STRBP: variants seen among roughly 807,000 people sequenced by gnomAD.
STRBP encodes spermatid perinuclear RNA-binding protein.
STRBP carries 13 observed loss-of-function variants against 80.1 expected under a neutral mutation model. The observed-to-expected ratio is 0.16, with a 90% CI of 0.11 to 0.26. The LOEUF (loss-of-function observed/expected upper bound fraction) is 0.26. Ranked by LOEUF, STRBP falls within the 10% of genes least tolerant of loss-of-function variation. The pLI is 1.00. For missense variants in STRBP, 485 were observed against 815.2 expected (o/e 0.59, Z 4.93); for synonymous variants, 284 against 291.2 (o/e 0.98, Z 0.25).
At chr9:123,118,267 C>T (rs943639214), downstream of STRBP, among the ~76,000 whole-genome samples, 5 of 152,172 alleles carry the variant, frequency 3.3e-5, no homozygotes, top group African/African-American at 1.2e-4. Context: ...ATCTCTCCTT[C>T]CCCTTCCCTT....
intron 9 of STRBP, among the ~76,000 whole-genome samples, chr9:123,158,870 A>G: frequency 6.6e-6 from 1 of 152,210 alleles, no homozygotes; most frequent in African/African-American, 2.4e-5. Flanking sequence ...CAGACACAAT[A>G]TATTATTAGT....
intron 2 of STRBP, among the ~76,000 whole-genome samples, chr9:123,185,743 T>C (rs1217273185): frequency 1.3e-5 from 2 of 152,164 alleles, no homozygotes; most frequent in Non-Finnish European, 2.9e-5. Flanking sequence ...CCAAAAACGA[T>C]TGCTATGTGT....
At chr9:123,134,726 T>C (rs1234694492) in intron 16 of STRBP, among the ~76,000 whole-genome samples, 4 of 152,172 alleles carry the variant, frequency 2.6e-5, no homozygotes, top group Non-Finnish European at 5.9e-5. Flanking sequence ...CTTAACTACC[T>C]AATAAATATT....
At chr9:123,150,488 G>A (rs2037007450) in intron 11 of STRBP, among the ~76,000 whole-genome samples, 1 of 152,126 alleles carries the variant, frequency 6.6e-6, no homozygotes, top group African/African-American at 2.4e-5. Context: ...GATTCATTGA[G>A]TCCAGGAGTT....
chr9:123,166,754 GCAACAACAACAACAA>G (rs72023338), intron 6 of STRBP, among the ~76,000 whole-genome samples: 22 of 147,312 alleles, frequency 1.5e-4, no homozygotes, highest in African/African-American at 2.6e-4. Flanking sequence ...ACTGTCTCCA[GCAACAACAACAACAA>G]CAACAACAAC....
intron 13 of STRBP, among the ~76,000 whole-genome samples, chr9:123,144,994 A>G (rs2036752483): frequency 6.6e-6 from 1 of 152,182 alleles, no homozygotes; most frequent in Non-Finnish European, 1.5e-5. Flanking sequence ...GATGGATCAA[A>G]GTTTAGTTTA....
intron 1 of STRBP, among the ~76,000 whole-genome samples, chr9:123,263,080 T>C (rs980491391): frequency 6.6e-6 from 1 of 152,162 alleles, no homozygotes; most frequent in Non-Finnish European, 1.5e-5. Flanking sequence ...TAAACGAATT[T>C]TGAAAAACAA....
chr9:123,234,365 A>G (rs1418360748), intron 2 of STRBP, among the ~76,000 whole-genome samples: 1 of 151,902 alleles, frequency 6.6e-6, no homozygotes, highest in Non-Finnish European at 1.5e-5. Context: ...CAACTTTAAT[A>G]CTGTTAAGTT....
intron 11 of STRBP, among the ~76,000 whole-genome samples, chr9:123,148,786 A>G (rs2036930262): frequency 6.6e-6 from 1 of 152,152 alleles, no homozygotes; most frequent in Admixed American, 6.5e-5. Context: ...TGCCTATTTC[A>G]TATATTCTTG....
intron 2 of STRBP, among the ~76,000 whole-genome samples, chr9:123,208,343 A>G (rs569057466): frequency 4.6e-5 from 7 of 152,292 alleles, no homozygotes; most frequent in African/African-American, 1.7e-4. Flanking sequence ...ATGTTTCCCA[A>G]GTCCTGTAAC....
chr9:123,210,768 G>T (rs537101270), intron 2 of STRBP, among the ~76,000 whole-genome samples: 4 of 151,792 alleles, frequency 2.6e-5, no homozygotes, highest in Non-Finnish European at 5.9e-5. Flanking sequence ...GACGGAGGCT[G>T]CAGTGAGCCA....
chr9:123,208,522 A>T (rs968645675), intron 2 of STRBP, among the ~76,000 whole-genome samples: 2 of 152,150 alleles, frequency 1.3e-5, no homozygotes, highest in Non-Finnish European at 2.9e-5. Context: ...AATAGTAAAT[A>T]TTGTAGACTG....
chr9:123,165,875 G>A (rs1035187716), intron 6 of STRBP, among the ~76,000 whole-genome samples: 2 of 152,130 alleles, frequency 1.3e-5, no homozygotes, highest in Non-Finnish European at 2.9e-5. Context: ...CCATATGTGA[G>A]GAAGTGCTTA....
intron 2 of STRBP, among the ~76,000 whole-genome samples, chr9:123,190,282 A>C (rs1404270813): frequency 6.8e-6 from 1 of 148,140 alleles, no homozygotes; most frequent in Non-Finnish European, 1.5e-5. Context: ...TCCATCTCAG[A>C]AAGAAAAAAA....
rs1225215690 is a variant in STRBP at position 123,115,706 on chromosome 9, A to G, written c.*84+223T>C. 3.0e-6 allele frequency: 1 copy of G among 333,626 alleles called. No homozygotes were observed. The highest frequency in any genetic ancestry group is 2.2e-5 in the African/African-American group (1 of 46,444). 20.7% of individuals were successfully genotyped at this position (333,626 alleles called of 1,614,324 possible). On this transcript the variant is annotated intron_variant and NMD_transcript_variant, in intron 3 of 3. Coordinates refer to the STRBP transcript ENST00000471564. The surrounding 1 kb of genome is among the most constrained non-coding windows in gnomAD (Gnocchi z 5.0). Reference sequence around the variant, plus strand: ...CCAGTCAACATCAGAGTTCGTCCAAACTGACATTCCACAGCATTTCCTCTT... The same window carrying G: ...CCAGTCAACATCAGAGTTCGTCCAAGCTGACATTCCACAGCATTTCCTCTT...
rs528585543 is a variant in STRBP, at chr9:123,218,343, C to T, written c.-165+18487G>A. On this transcript the variant is annotated intron_variant, in intron 2 of 18. Coordinates refer to ENST00000348403, the MANE Select transcript of STRBP (RefSeq NM_018387.5). ...AAATGAATTATACAGCTTATTTATA[C>T]ATTAAATATGACTTTTTTTTTTTTT... 7.0e-5 allele frequency among the ~76,000 whole-genome samples: 10 copies of T among 143,252 alleles called. No homozygotes were observed. In the East Asian group the frequency reaches 1.6e-3, roughly 24 times the overall value. 94.0% of individuals were successfully genotyped at this position (143,252 alleles called of 152,430 possible).
Position 123,263,883 on chromosome 9 carries a change from A to G in STRBP, c.-302+4553T>C, listed in dbSNP as rs1351933597. 2.0e-5 allele frequency among the ~76,000 whole-genome samples: 3 copies of G among 152,238 alleles called. No individual in the cohort carries two copies. In the East Asian group the frequency reaches 5.8e-4, roughly 29 times the overall value. The stretch of plus-strand genomic sequence containing the variant: ...ATGTATTATGTTTATTATTTCTGAT[A>G]TAAGAATTGAATTTGGCTGGGCGCG... On this transcript the variant is annotated intron_variant, in intron 1 of 18. Transcript: ENST00000348403.
At chr9:123,268,214 G>A (rs1213658289) in intron 1 of STRBP, among the ~76,000 whole-genome samples, 1 of 151,788 alleles carries the variant, frequency 6.6e-6, no homozygotes, top group Non-Finnish European at 1.5e-5. Context: ...AGCGGCCGGG[G>A]CACCGCAGCG....
At chr9:123,133,951 TGTTTTCCTTAGAGTTG>T (rs1212889860) in intron 16 of STRBP, among the ~76,000 whole-genome samples, 1 of 152,208 alleles carries the variant, frequency 6.6e-6, no homozygotes, top group African/African-American at 2.4e-5. Flanking sequence ...ATACCCACTT[TGTTTTCCTTAGAGTTG>T]AAACAGTAAC....
Sources: allele counts gnomAD v4.1 joint callset (sites outside exome capture counted in the v4.1 genomes callset), GRCh38; gene constraint gnomAD v4.1.1; non-coding constraint Gnocchi (gnomAD v3.1); transcripts MANE v1.5; gene names NCBI Gene and HGNC (gene_info 2026-07-23, HGNC 2026-07-21).